The following EPS8 variants were observed in gnomAD, a reference collection of about 807,000 sequenced individuals.
EPS8 encodes the protein epidermal growth factor receptor kinase substrate 8.
In EPS8, 42 loss-of-function variants were observed where a neutral mutation model predicts 103.8. That is an observed-to-expected ratio of 0.40 (90% CI 0.32 to 0.52). The LOEUF (loss-of-function observed/expected upper bound fraction) is 0.52. Ranked by LOEUF, EPS8 falls within the 20% of genes least tolerant of loss-of-function variation. EPS8 has a pLI of 0.40. For synonymous variants in EPS8, 344 were observed against 344.6 expected (o/e 1.00, Z 0.02); for missense variants, 969 against 1,005.1 (o/e 0.96, Z 0.49).
In EPS8 at chr12:15,784,985, G is replaced by T. The variant is rs575220240; in HGVS notation, c.-22+4176C>A. ...ACAGAGGTTATGAGTGAAGCCCAGG[G>T]GATTTGTAATGTGTTGAAATTATTC... On this transcript the variant is annotated intron_variant, in intron 1 of 20. Transcript: ENST00000281172. This position sits in a 1 kb window ranked among gnomAD's most constrained non-coding sequence, Gnocchi z 4.0. 6.6e-6 allele frequency among the ~76,000 whole-genome samples: 1 copy of T among 151,982 alleles called. No individual in the cohort carries two copies. The highest frequency in any genetic ancestry group is 1.9e-4 in the East Asian group (1 of 5,188).
chr12:15,711,184 C>T (rs1746002378), intron 1 of EPS8, among the ~76,000 whole-genome samples: 1 of 151,994 alleles, frequency 6.6e-6, no homozygotes, highest in African/African-American at 2.4e-5. Flanking sequence ...GGATTACAGG[C>T]ATAAGTTACA....
chr12:15,634,655 A>C (rs1413291895), intron 17 of EPS8: 2 of 398,208 alleles, frequency 5.0e-6, no homozygotes, highest in Non-Finnish European at 8.9e-6. Flanking sequence ...CACAGCTGGA[A>C]CATTTGGAGG....
intron 1 of EPS8, among the ~76,000 whole-genome samples, chr12:15,740,036 C>T (rs1438085643): frequency 6.6e-6 from 1 of 152,050 alleles, no homozygotes; most frequent in African/African-American, 2.4e-5. Context: ...AAAGAAGCTA[C>T]TCCGAGGTGA....
chr12:15,681,098 C>A, intron 3 of EPS8, 128 bp downstream of exon 3: 1 of 391,988 alleles, frequency 2.6e-6, no homozygotes, highest in Non-Finnish European at 4.7e-6. Flanking sequence ...TAAAATAATC[C>A]TTATTTAGCT....
In EPS8 at chr12:15,698,177, C is replaced by CT. The variant is rs1179264198; in HGVS notation, c.-21-15206dup. 6.6e-6 allele frequency among the ~76,000 whole-genome samples: 1 copy of CT among 152,056 alleles called. No individual in the cohort carries two copies. The highest frequency in any genetic ancestry group is 1.9e-4 in the East Asian group (1 of 5,198). The stretch of plus-strand genomic sequence containing the variant: ...AAAAATGGAAAAACTCTACAATTTT[C>CT]TAAAATATTTTATAAAAAATTATGC... On this transcript the variant is annotated intron_variant, in intron 1 of 20. Coordinates refer to ENST00000281172, the MANE Select transcript of EPS8 (RefSeq NM_004447.6). This position sits in a 1 kb window ranked among gnomAD's most constrained non-coding sequence, Gnocchi z 4.9.
rs768347228 is a variant in EPS8, at chr12:15,778,825, T to A, written c.-22+10336A>T. Among the ~76,000 whole-genome samples, 1 of 152,194 alleles carries A rather than the reference T, an allele frequency of 6.6e-6. No homozygotes were observed. The highest frequency in any genetic ancestry group is 2.1e-4 in the South Asian group (1 of 4,834). ...AGGTAGTGTTTTCATTTCTTCCATA[T>A]ATGAAAGAAACTATCAAATGCAGAG... On this transcript the variant is annotated intron_variant, in intron 1 of 20. Coordinates refer to ENST00000281172, the MANE Select transcript of EPS8 (RefSeq NM_004447.6). The surrounding 1 kb of genome is among the most constrained non-coding windows in gnomAD (Gnocchi z 4.5).
Position 15,666,490 on chromosome 12 carries a change from T to C in EPS8, c.549A>G (p.Ala183=). ...ANLISEDIES[A]ISDSKGGKQK... is the part of the protein sequence containing the mutation. ...GTTTCCCTCCTTTACTGTCACTGATTGCACTTTCAATATCTTCACTAATTA... is the reference window on the plus strand; with the variant it reads ...GTTTCCCTCCTTTACTGTCACTGATCGCACTTTCAATATCTTCACTAATTA... Residue 183 remains alanine (A), a synonymous_variant, in exon 7 of 21, where the codon GCA becomes GCG. Coordinates refer to ENST00000281172, the MANE Select transcript of EPS8 (RefSeq NM_004447.6). 6.2e-7 allele frequency: 1 copy of C among 1,613,994 alleles called. No homozygotes were observed. The highest frequency in any genetic ancestry group is 1.1e-5 in the South Asian group (1 of 91,080).
At chr12:15,710,422 T>C (rs985579134) in intron 1 of EPS8, among the ~76,000 whole-genome samples, 1 of 152,188 alleles carries the variant, frequency 6.6e-6, no homozygotes, top group African/African-American at 2.4e-5. Context: ...CAAATGTTGA[T>C]ACAAAATCTA....
At chr12:15,670,237 C>CT (rs1565491327) in intron 4 of EPS8, among the ~76,000 whole-genome samples, 1 of 152,100 alleles carries the variant, frequency 6.6e-6, no homozygotes, top group Non-Finnish European at 1.5e-5. Context: ...ACTATGGACA[C>CT]TGATTGTAGC....
At position 15,682,933 on chromosome 12, in the gene EPS8, T is replaced by C. The variant is rs201035914; in HGVS notation, c.19A>G (p.Asn7Asp). 1.9e-6 allele frequency: 3 copies of C among 1,586,564 alleles called. No homozygotes were observed. Among genetic ancestry groups the C allele is most frequent in the East Asian group, 4.6e-5 (2 of 43,812 alleles). ...TACATTCCAAAACTACTGGGATGAT[T>C]AGAAATATGACCATTCATTGTGTCT... MNGHIS[N>D]HPSSFGMYPS... Residue 7 changes from asparagine to aspartate, a missense_variant, in exon 2 of 21, where the codon AAT (asparagine) becomes GAT (aspartate). Coordinates refer to ENST00000281172, the MANE Select transcript of EPS8 (RefSeq NM_004447.6).
At position 15,762,109 on chromosome 12, in the gene EPS8, A is replaced by G. The variant is rs1947047953; in HGVS notation, c.-22+27052T>C. Among the ~76,000 whole-genome samples the G allele has an allele frequency of 6.6e-6, 1 of 152,204 alleles. No homozygotes were observed. Among genetic ancestry groups the G allele is most frequent in the Admixed American group, 6.5e-5 (1 of 15,272 alleles). On this transcript the variant is annotated intron_variant, in intron 1 of 20. Coordinates refer to ENST00000281172, the MANE Select transcript of EPS8 (RefSeq NM_004447.6). The surrounding 1 kb of genome is among the most constrained non-coding windows in gnomAD (Gnocchi z 4.8). Reference sequence around the variant, plus strand: ...CAAGAAAACATCTAATAATCCATTCAAAAAATGGGCAAAATATTTGAATAG... The same window carrying G: ...CAAGAAAACATCTAATAATCCATTCGAAAAATGGGCAAAATATTTGAATAG...
chr12:15,682,856 C>A (rs759812917), intron 2 of EPS8, 37 bp downstream of exon 2: 47 of 1,087,060 alleles, frequency 4.3e-5, no homozygotes, highest in Non-Finnish European at 5.9e-5. Flanking sequence ...AAATCAAATT[C>A]CCCCAAAACA....
At chr12:15,631,888 G>C (rs1237695104) in intron 17 of EPS8, 1 of 422,202 alleles carries the variant, frequency 2.4e-6, no homozygotes, top group East Asian at 4.0e-5. Context: ...GAGTCACAAG[G>C]CTACGTCAAT....
rs34344194 is a variant in EPS8, at chr12:15,773,061, A to G, written c.-22+16100T>C. On this transcript the variant is annotated intron_variant, in intron 1 of 20. Transcript: ENST00000281172. Reference sequence around the variant, plus strand: ...GAGAAGTGAAGAGGAAACCATAGACATTAAGCTTCTCTTCAAGAATCTTAG... The same window carrying G: ...GAGAAGTGAAGAGGAAACCATAGACGTTAAGCTTCTCTTCAAGAATCTTAG... Among the ~76,000 whole-genome samples, 454 of 152,326 alleles carry G rather than the reference A, an allele frequency of 3.0e-3. 2 individuals are homozygous for G. The highest frequency in any genetic ancestry group is 0.017 in the Middle Eastern group (5 of 294).
chr12:15,633,058 A>G (rs1189747989), intron 17 of EPS8, among the ~76,000 whole-genome samples: 1 of 152,112 alleles, frequency 6.6e-6, no homozygotes, highest in Admixed American at 6.6e-5. Context: ...GGAAGGAGGG[A>G]GTAAAGGGTA....
intron 1 of EPS8, among the ~76,000 whole-genome samples, chr12:15,740,574 A>C (rs920206251): frequency 6.7e-6 from 1 of 150,250 alleles, no homozygotes; most frequent in African/African-American, 2.4e-5. Context: ...AAAATAAATA[A>C]ATAAATAAAT....
intron 1 of EPS8, among the ~76,000 whole-genome samples, chr12:15,783,588 A>T (rs1458419552): frequency 6.6e-6 from 1 of 152,180 alleles, no homozygotes; most frequent in Non-Finnish European, 1.5e-5. Context: ...CACCCTGCAA[A>T]TCCTTTATTC....
Position 15,759,515 on chromosome 12 carries a change from C to T in EPS8, c.-22+29646G>A, listed in dbSNP as rs772035247. Among the ~76,000 whole-genome samples, 36 of 151,914 alleles carry T rather than the reference C, an allele frequency of 2.4e-4. No homozygotes were observed. Among genetic ancestry groups the T allele is most frequent in the Admixed American group, 2.0e-4 (3 of 15,260 alleles). The stretch of plus-strand genomic sequence containing the variant: ...AACTTCAGTAGGAAAAACAGAATTC[C>T]AATTGTGTTTTCATTATAAAATTAT... On this transcript the variant is annotated intron_variant, in intron 1 of 20. Coordinates refer to ENST00000281172, the MANE Select transcript of EPS8 (RefSeq NM_004447.6). This position sits in a 1 kb window ranked among gnomAD's most constrained non-coding sequence, Gnocchi z 4.9.
chr12:15,753,365 G>A (rs1244846965), intron 1 of EPS8, among the ~76,000 whole-genome samples: 1 of 152,070 alleles, frequency 6.6e-6, no homozygotes, highest in Non-Finnish European at 1.5e-5. Context: ...AGAATGACAA[G>A]GTCTTTGTGT....
Sources: allele counts gnomAD v4.1 joint callset (sites outside exome capture counted in the v4.1 genomes callset), GRCh38; gene constraint gnomAD v4.1.1; non-coding constraint Gnocchi (gnomAD v3.1); transcripts MANE v1.5; gene names NCBI Gene and HGNC (gene_info 2026-07-23, HGNC 2026-07-21).